CNTN4: variants seen among roughly 807,000 people sequenced by gnomAD.
CNTN4 encodes the protein contactin-4.
A neutral mutation model predicts 122.5 loss-of-function variants in CNTN4; 77 were observed. The observed-to-expected ratio is 0.63, with a 90% CI of 0.52 to 0.76. CNTN4 has a LOEUF of 0.76. Ranked by LOEUF, CNTN4 falls within the 30% of genes least tolerant of loss-of-function variation. CNTN4 has a pLI of 0.00. For missense variants in CNTN4, 1,256 were observed against 1,259.1 expected, an observed-to-expected ratio of 1.00 and a Z score of 0.04; for synonymous variants, 512 against 447.0, an observed-to-expected ratio of 1.15 and a Z score of -1.83.
intron 4 of CNTN4, among the ~76,000 whole-genome samples, chr3:2,696,883 G>A (rs1056207926): frequency 6.6e-6 from 1 of 152,120 alleles, no homozygotes; most frequent in Non-Finnish European, 1.5e-5. Context: ...ACTTTGTCTG[G>A]AGCATCCCAA....
intron 2 of CNTN4, among the ~76,000 whole-genome samples, chr3:2,299,328 C>G (rs910935911): frequency 6.6e-6 from 1 of 152,002 alleles, no homozygotes; most frequent in Admixed American, 6.5e-5. Flanking sequence ...TGAAAACAAA[C>G]TCATTATTTT....
intron 6 of CNTN4, among the ~76,000 whole-genome samples, chr3:2,788,945 A>T (rs1295543266): frequency 6.6e-6 from 1 of 152,210 alleles, no homozygotes; most frequent in Non-Finnish European, 1.5e-5. Flanking sequence ...ACACAAAAAC[A>T]GAAAAAAAGT....
intron 3 of CNTN4, among the ~76,000 whole-genome samples, chr3:2,468,915 T>A (rs1445079856): frequency 6.6e-6 from 1 of 152,176 alleles, no homozygotes; most frequent in African/African-American, 2.4e-5. Context: ...CTCTTCCATG[T>A]AAGACTTTCC....
intron 3 of CNTN4, among the ~76,000 whole-genome samples, chr3:2,378,630 G>A (rs1019389233): frequency 1.3e-5 from 2 of 152,066 alleles, no homozygotes; most frequent in African/African-American, 2.4e-5. Context: ...TGGCCTCCCC[G>A]TAGTACTTCA....
At chr3:2,319,210 T>C (rs528256628) in intron 2 of CNTN4, among the ~76,000 whole-genome samples, 4 of 152,270 alleles carry the variant, frequency 2.6e-5, no homozygotes, top group African/African-American at 7.2e-5. Context: ...ATATTTTATA[T>C]ATATTATTTA....
intron 3 of CNTN4, among the ~76,000 whole-genome samples, chr3:2,455,585 G>A (rs2151390684): frequency 6.6e-6 from 1 of 152,178 alleles, no homozygotes; most frequent in Non-Finnish European, 1.5e-5. Flanking sequence ...AGAAGAAGGA[G>A]GACATTTTTA....
intron 2 of CNTN4, among the ~76,000 whole-genome samples, chr3:2,266,449 T>C (rs2041054593): frequency 6.6e-6 from 1 of 152,138 alleles, no homozygotes; most frequent in Admixed American, 6.6e-5. Flanking sequence ...CCTACTTTTC[T>C]TCATTTCTCA....
chr3:2,981,433 G>C (rs552152048), intron 13 of CNTN4, among the ~76,000 whole-genome samples: 22 of 152,136 alleles, frequency 1.4e-4, no homozygotes, highest in African/African-American at 4.3e-4. Flanking sequence ...GACAGAGCGA[G>C]ACTCCGTCTC....
chr3:2,400,428 C>CATATATGT (rs1553640930), intron 3 of CNTN4, among the ~76,000 whole-genome samples: 1 of 95,824 alleles, frequency 1.0e-5, no homozygotes, highest in Non-Finnish European at 2.2e-5. Flanking sequence ...TATATATATA[C>CATATATGT]ATATATATAT....
At chr3:2,929,967 T>G (rs1444183119) in intron 13 of CNTN4, among the ~76,000 whole-genome samples, 1 of 152,176 alleles carries the variant, frequency 6.6e-6, no homozygotes, top group Non-Finnish European at 1.5e-5. Flanking sequence ...ATCCCCACAA[T>G]GGCTGGGCCC....
At chr3:2,881,059 C>CAAG (rs149866085) in intron 8 of CNTN4, among the ~76,000 whole-genome samples, 199 of 152,210 alleles carry the variant, frequency 1.3e-3, no homozygotes, top group African/African-American at 3.5e-3. Flanking sequence ...AAAATGAAAA[C>CAAG]AAGAAGAAGA....
At chr3:2,965,150 C>T (rs899601663) in intron 13 of CNTN4, among the ~76,000 whole-genome samples, 1 of 152,172 alleles carries the variant, frequency 6.6e-6, no homozygotes, top group African/African-American at 2.4e-5. Context: ...AATCAATAAA[C>T]TTAAATTCAG....
chr3:2,564,233 C>G (rs1188332922), intron 3 of CNTN4, among the ~76,000 whole-genome samples: 1 of 152,078 alleles, frequency 6.6e-6, no homozygotes, highest in Non-Finnish European at 1.5e-5. Context: ...AGTATTTAAG[C>G]TATGTTCAAG....
chr3:2,557,510 G>T (rs1030920248), intron 3 of CNTN4, among the ~76,000 whole-genome samples: 1 of 152,048 alleles, frequency 6.6e-6, no homozygotes, highest in African/African-American at 2.4e-5. Context: ...GGCAGATCAC[G>T]AGGTCAGGAG....
At chr3:2,287,761 A>G (rs1269415633) in intron 2 of CNTN4, among the ~76,000 whole-genome samples, 6 of 144,574 alleles carry the variant, frequency 4.2e-5, no homozygotes, top group African/African-American at 1.6e-4. Flanking sequence ...GAAGAAGAAG[A>G]AGAAGAAGAA....
intron 4 of CNTN4, among the ~76,000 whole-genome samples, chr3:2,658,837 C>T (rs1467410381): frequency 6.6e-6 from 1 of 151,966 alleles, no homozygotes. Flanking sequence ...CACTCTATCT[C>T]CAATAGAGCA....
intron 6 of CNTN4, among the ~76,000 whole-genome samples, chr3:2,754,530 G>A (rs565531605): frequency 7.2e-4 from 109 of 152,180 alleles, no homozygotes; most frequent in African/African-American, 2.6e-3. Flanking sequence ...AAAGTAACTA[G>A]ACTAATACAC....
chr3:2,195,618 C>A (rs918425849), intron 2 of CNTN4, among the ~76,000 whole-genome samples: 2 of 152,178 alleles, frequency 1.3e-5, no homozygotes, highest in African/African-American at 2.4e-5. Context: ...TGGTTACCTA[C>A]ACAGGAAGAG....
At chr3:2,994,854 G>T (rs1577546880) in intron 14 of CNTN4, among the ~76,000 whole-genome samples, 1 of 152,172 alleles carries the variant, frequency 6.6e-6, no homozygotes, top group East Asian at 1.9e-4. Flanking sequence ...TTTGACAGGG[G>T]ATCAATCAGA....
Sources: gnomAD v4.1 joint callset for allele counts (sites outside exome capture counted in the v4.1 genomes callset) on GRCh38, gnomAD v4.1.1 for gene constraint, MANE v1.5 for transcripts, NCBI Gene and HGNC (gene_info 2026-07-23, HGNC 2026-07-21) for gene names.